Variants in PDGFB observed in about 807,000 individuals in gnomAD.
PDGFB encodes platelet derived growth factor subunit B, also known as platelet-derived growth factor subunit B.
A neutral mutation model predicts 29.0 loss-of-function variants in PDGFB; 6 were observed. The ratio of observed to expected loss-of-function variants is 0.21; its 90% confidence interval spans 0.11 to 0.41. The LOEUF (loss-of-function observed/expected upper bound fraction) is 0.41. Ranked by LOEUF, PDGFB falls within the 10% of genes least tolerant of loss-of-function variation. PDGFB has a pLI of 1.00. For synonymous variants in PDGFB, 144 were observed against 140.8 expected (o/e 1.02, Z -0.16); for missense variants, 299 against 341.8 (o/e 0.87, Z 0.99).
At chr22:39,236,917 G>A (rs1334276835) in intron 1 of PDGFB, among the ~76,000 whole-genome samples, 1 of 152,152 alleles carries the variant, frequency 6.6e-6, no homozygotes, top group East Asian at 1.9e-4. Flanking sequence ...AGACAGTCCT[G>A]GAGAGGGCAT....
chr22:39,232,529 C>G lies in PDGFB; in HGVS notation c.251-702G>C, dbSNP rs138012870. ...TTTTTGAGACGGAGTCTTGCTCTGTCGCCAGGCTGGAGTGCAGTGGCGTGG... is the reference window on the plus strand; with the variant it reads ...TTTTTGAGACGGAGTCTTGCTCTGTGGCCAGGCTGGAGTGCAGTGGCGTGG... On this transcript the variant is annotated intron_variant, in intron 3 of 6. Coordinates refer to ENST00000331163, the MANE Select transcript of PDGFB (RefSeq NM_002608.4). 6.1e-3 allele frequency among the ~76,000 whole-genome samples: 932 copies of G among 151,834 alleles called. 11 individuals carry two copies. Among genetic ancestry groups the G allele is most frequent in the African/African-American group, 0.021 (878 of 41,372 alleles).
chr22:39,235,878 C>G lies in PDGFB; in HGVS notation c.64-4G>C, dbSNP rs779615370. The G allele has an allele frequency of 1.1e-5, 17 of 1,607,170 alleles. No homozygotes were observed. Among genetic ancestry groups the G allele is most frequent in the Non-Finnish European group, 1.4e-5 (17 of 1,174,326 alleles). On this transcript the variant is annotated splice_polypyrimidine_tract_variant and splice_region_variant and intron_variant, in intron 1 of 6. Transcript: ENST00000331163. ...GCTCCTCGGGAATGGGGTCCCCCTGCCGGGCAGACACCAAAAGGCTGAGTG... is the reference window on the plus strand; with the variant it reads ...GCTCCTCGGGAATGGGGTCCCCCTGGCGGGCAGACACCAAAAGGCTGAGTG...
intron 1 of PDGFB, among the ~76,000 whole-genome samples, chr22:39,238,594 A>G (rs1370281086): frequency 6.6e-6 from 1 of 152,244 alleles, no homozygotes; most frequent in African/African-American, 2.4e-5. Flanking sequence ...AGAAAAAATT[A>G]AACAAGCAGC....
Position 39,243,452 on chromosome 22 carries a change from A to G in PDGFB, c.63+449T>C, listed in dbSNP as rs994602189. ...CGAGCCCCGTCAAAGGTCGGCGTGG[A>G]TGGCACCGGTGCGCAAGCTTGCACC... On this transcript the variant is annotated intron_variant, in intron 1 of 6. Transcript: ENST00000331163. The surrounding 1 kb of genome is among the most constrained non-coding windows in gnomAD (Gnocchi z 6.4). Among the ~76,000 whole-genome samples, 27 of 152,170 alleles carry G rather than the reference A, an allele frequency of 1.8e-4. No homozygotes were observed. The highest frequency in any genetic ancestry group is 8.3e-4 in the South Asian group (4 of 4,820).
At chr22:39,239,283 C>T (rs553485333) in intron 1 of PDGFB, among the ~76,000 whole-genome samples, 47 of 152,222 alleles carry the variant, frequency 3.1e-4, no homozygotes, top group African/African-American at 1.1e-3. Flanking sequence ...GAGCTGCCTG[C>T]CCATGAAAGA....
intron 3 of PDGFB, among the ~76,000 whole-genome samples, chr22:39,232,516 A>G (rs1161193949): frequency 1.3e-5 from 2 of 150,966 alleles, no homozygotes; most frequent in South Asian, 4.2e-4. Flanking sequence ...TTTGAGACGG[A>G]GTCTTGCTCT....
At chr22:39,229,622 A>G (rs1569135099) in intron 5 of PDGFB, among the ~76,000 whole-genome samples, 1 of 152,114 alleles carries the variant, frequency 6.6e-6, no homozygotes, top group South Asian at 2.1e-4. Context: ...CCCACATCCA[A>G]CAAAGCAGGG....
chr22:39,236,201 C>T (rs1258285605), intron 1 of PDGFB, among the ~76,000 whole-genome samples: 1 of 152,242 alleles, frequency 6.6e-6, no homozygotes, highest in East Asian at 1.9e-4. Flanking sequence ...CTGATTTCTC[C>T]CTGAGTCTCA....
chr22:39,243,874 C>A lies in PDGFB; in HGVS notation c.63+27G>T. ...GGGGGCGAAGGTAATGAATGAAGAA[C>A]CAGCCCCAGCCGCCGTGGCAACTCA... is the stretch of plus-strand genomic sequence containing the variant. On this transcript the variant is annotated intron_variant, in intron 1 of 6. Coordinates refer to ENST00000331163, the MANE Select transcript of PDGFB (RefSeq NM_002608.4). The surrounding 1 kb of genome is among the most constrained non-coding windows in gnomAD (Gnocchi z 6.4). 1 of 1,586,284 alleles carries A rather than the reference C, an allele frequency of 6.3e-7. No homozygotes were observed. Among genetic ancestry groups the A allele is most frequent in the Non-Finnish European group, 8.6e-7 (1 of 1,163,840 alleles).
At chr22:39,232,431 G>A (rs1028863660) in intron 3 of PDGFB, among the ~76,000 whole-genome samples, 1 of 152,210 alleles carries the variant, frequency 6.6e-6, no homozygotes, top group African/African-American at 2.4e-5. Flanking sequence ...AGGAGGCTCT[G>A]AGAGCTGAAT....
chr22:39,240,821 G>A, intron 1 of PDGFB: 1 of 1,610,728 alleles, frequency 6.2e-7, no homozygotes, highest in Non-Finnish European at 8.5e-7. Flanking sequence ...CCTCAATGTG[G>A]GGAGGGGAAG....
chr22:39,231,900 C>A lies in PDGFB; in HGVS notation c.251-73G>T. 2 of 1,272,752 alleles carry A rather than the reference C, an allele frequency of 1.6e-6. No homozygotes were observed. The highest frequency in any genetic ancestry group is 2.5e-5 in the East Asian group (1 of 40,382). The allele number at this position is 1,272,752 out of a possible 1,614,324, so 78.8% of individuals were successfully genotyped here. A position where few individuals can be genotyped will look rare whatever the true frequency, so the allele number is the denominator to read the frequency against. On this transcript the variant is annotated intron_variant, in intron 3 of 6. Coordinates refer to ENST00000331163, the MANE Select transcript of PDGFB (RefSeq NM_002608.4). This position sits in a 1 kb window ranked among gnomAD's most constrained non-coding sequence, Gnocchi z 4.3. Reference sequence around the variant, plus strand: ...CCCCCCACTTGGCAGGGGAGCTCAGCGGGTGCCTCCGGGACTGCTCTTTCT... The same window carrying A: ...CCCCCCACTTGGCAGGGGAGCTCAGAGGGTGCCTCCGGGACTGCTCTTTCT...
At chr22:39,234,539 C>T (rs1294956192) in intron 2 of PDGFB, among the ~76,000 whole-genome samples, 2 of 152,360 alleles carry the variant, frequency 1.3e-5, no homozygotes, top group Admixed American at 1.3e-4. Context: ...AAGACAAAGG[C>T]GCCTGCCGCC....
intron 2 of PDGFB, 53 bp downstream of exon 2, chr22:39,235,725 A>T (rs1932424948): frequency 1.5e-6 from 2 of 1,291,724 alleles, no homozygotes; most frequent in African/African-American, 2.9e-5. Context: ...CCCCTCCCAG[A>T]TCTCTTAAAG....
intron 1 of PDGFB, among the ~76,000 whole-genome samples, chr22:39,237,119 G>A (rs891107468): frequency 3.9e-5 from 6 of 152,098 alleles, no homozygotes; most frequent in African/African-American, 1.2e-4. Flanking sequence ...GCCTGACGGC[G>A]GAGGGGGAGC....
Position 39,240,918 on chromosome 22 carries a change from TGC to T in PDGFB, c.63+2981_63+2982del, listed in dbSNP as rs537103134. On this transcript the variant is annotated intron_variant, in intron 1 of 6. Coordinates refer to ENST00000331163, the MANE Select transcript of PDGFB (RefSeq NM_002608.4). ...AGTCTCTCTCTCTCTCTCTCTCAGA[TGC>T]GCACACACACACACACACACACTCT... 6,136 of 1,298,210 alleles carry T rather than the reference TGC, an allele frequency of 4.7e-3. 198 individuals carry two copies. The African/African-American group carries it at 0.09, about 19-fold the overall frequency. 80.4% of individuals were successfully genotyped at this position (1,298,210 alleles called of 1,614,324 possible).
intron 2 of PDGFB, among the ~76,000 whole-genome samples, 163 bp from the exon 3 acceptor site, chr22:39,233,687 A>T (rs1416934355): frequency 1.3e-5 from 2 of 151,932 alleles, no homozygotes; most frequent in African/African-American, 4.8e-5. Flanking sequence ...CTGAGCAGGG[A>T]CCCTCCAAGC....
chr22:39,227,073 C>T (rs1052352658), intron 5 of PDGFB, among the ~76,000 whole-genome samples: 3 of 152,284 alleles, frequency 2.0e-5, no homozygotes, highest in African/African-American at 7.2e-5. Context: ...ATTCTCCTGC[C>T]TCAGCCTCCC....
At position 39,244,017 on chromosome 22, in the gene PDGFB, GCCCCC is replaced by G; in HGVS notation, c.-59_-55del. 1 of 512,566 alleles carries G rather than the reference GCCCCC, an allele frequency of 2.0e-6. No homozygotes were observed. Among genetic ancestry groups the G allele is most frequent in the Non-Finnish European group, 3.4e-6 (1 of 297,480 alleles). The allele number at this position is 512,566 out of a possible 1,614,324, so 31.8% of individuals were successfully genotyped here. A position where few individuals can be genotyped will look rare whatever the true frequency, so the allele number is the denominator to read the frequency against. ...CCCGGACGCGTAGATCGAGCGCGCC[GCCCCC>G]GCGGCCAGGGTGGGGGGCTGGGGAG... On this transcript the variant is annotated 5_prime_UTR_variant, in exon 1 of 7. Coordinates refer to ENST00000331163, the MANE Select transcript of PDGFB (RefSeq NM_002608.4). This position sits in a 1 kb window ranked among gnomAD's most constrained non-coding sequence, Gnocchi z 4.5.
Sources: gnomAD v4.1 joint callset for allele counts (sites outside exome capture counted in the v4.1 genomes callset) on GRCh38, gnomAD v4.1.1 for gene constraint, Gnocchi (gnomAD v3.1) non-coding constraint, MANE v1.5 for transcripts, NCBI Gene and HGNC (gene_info 2026-07-23, HGNC 2026-07-21) for gene names.